The following CNOT7 variants were observed in gnomAD, a reference collection of about 807,000 sequenced individuals.
The protein encoded by CNOT7 is BTG1-binding factor 1.
Under a neutral mutation model 37.1 loss-of-function variants are expected in CNOT7, and 4 were observed. The ratio of observed to expected loss-of-function variants is 0.11; its 90% CI spans 0.05 to 0.25. The LOEUF (loss-of-function observed/expected upper bound fraction) is 0.25, where lower values mean the gene tolerates loss of function less well. CNOT7 is among the 10% of genes least tolerant of loss of function. The pLI is 1.00. For synonymous variants in CNOT7, 128 were observed against 115.6 expected (o/e 1.11, Z -0.69); for missense variants, 170 against 336.2 (o/e 0.51, Z 3.87).
Position 17,228,803 on chromosome 8 carries a change from T to C in CNOT7, c.*1917A>G, listed in dbSNP as rs1808325554. On this transcript the variant is annotated 3_prime_UTR_variant, in exon 7 of 7. Coordinates refer to ENST00000361272, the MANE Select transcript of CNOT7 (RefSeq NM_013354.7). ...TGAAATCCAGCATTGATTTCTCAAA[T>C]AGTTGAACAGAATTTAAATATTAGT... 6.6e-6 allele frequency: 1 copy of C among 152,014 alleles called. No individual in the cohort carries two copies. The highest frequency in any genetic ancestry group is 2.4e-5 in the African/African-American group (1 of 41,442). The allele number at this position is 152,014 out of a possible 1,614,324, so 9.4% of individuals were successfully genotyped here. A position where few individuals can be genotyped will look rare whatever the true frequency, so the allele number is the denominator to read the frequency against.
intron 3 of CNOT7, among the ~76,000 whole-genome samples, chr8:17,240,422 T>C (rs1338303131): frequency 6.6e-6 from 1 of 152,156 alleles, no homozygotes; most frequent in Non-Finnish European, 1.5e-5. Context: ...AAGACAATTC[T>C]TCCTCTAGTG....
chr8:17,233,905 T>C (rs1378156450), intron 5 of CNOT7, among the ~76,000 whole-genome samples: 1 of 152,108 alleles, frequency 6.6e-6, no homozygotes, highest in Non-Finnish European at 1.5e-5. Flanking sequence ...ATACGAAATT[T>C]AGCTGGGTGT....
In CNOT7 at chr8:17,235,365, A is replaced by G. The variant is rs570266888; in HGVS notation, c.474-505T>C. 1.1e-4 allele frequency among the ~76,000 whole-genome samples: 17 copies of G among 152,316 alleles called. 1 individual carries two copies. The highest frequency in any genetic ancestry group is 4.1e-4 in the African/African-American group (17 of 41,566). On this transcript the variant is annotated intron_variant, in intron 4 of 6. Transcript: ENST00000361272. ...TACTTTATCCAAAGAATAAGACTGT[A>G]ACAAGGTATTTTCACTTCTCTTAAA...
intron 6 of CNOT7, chr8:17,231,928 C>G (rs753589137): frequency 3.4e-5 from 34 of 986,846 alleles, no homozygotes; most frequent in Admixed American, 6.1e-5. Context: ...AGTAAAAGAG[C>G]CTGAGTTCTT....
At position 17,232,193 on chromosome 8, in the gene CNOT7, TTA is replaced by T. The variant is rs924391951; in HGVS notation, c.729+232_729+233del. On this transcript the variant is annotated intron_variant, in intron 6 of 6. Transcript: ENST00000361272. The stretch of plus-strand genomic sequence containing the variant: ...GGACCTACATGACTTCTCAGGTAGT[TTA>T]TGTTTTAAAATTGTTGGTTCTATGA... 35 of 1,322,676 alleles carry T rather than the reference TTA, an allele frequency of 2.6e-5. No individual in the cohort carries two copies. In the Admixed American group the frequency reaches 5.4e-4, roughly 20 times the overall value. The allele number at this position is 1,322,676 out of a possible 1,614,324, so 81.9% of individuals were successfully genotyped here. A position where few individuals can be genotyped will look rare whatever the true frequency, so the allele number is the denominator to read the frequency against.
rs1030186783 is a variant in CNOT7, at chr8:17,226,730, A to G, written c.*3990T>C. 3.3e-5 allele frequency: 5 copies of G among 151,780 alleles called. No homozygotes were observed. The highest frequency in any genetic ancestry group is 1.2e-4 in the African/African-American group (5 of 41,406). The allele number at this position is 151,780 out of a possible 1,614,324, so 9.4% of individuals were successfully genotyped here. ...AGAAAGTATATAAAGCAGCTTGACA[A>G]TCTTAAGTTTTAGTTTTTATTGAAA... is the stretch of plus-strand genomic sequence containing the variant. On this transcript the variant is annotated 3_prime_UTR_variant, in exon 7 of 7. Coordinates refer to ENST00000361272, the MANE Select transcript of CNOT7 (RefSeq NM_013354.7).
chr8:17,243,901 T>G (rs887891464), intron 2 of CNOT7, among the ~76,000 whole-genome samples: 1 of 152,174 alleles, frequency 6.6e-6, no homozygotes, highest in South Asian at 2.1e-4. Flanking sequence ...ACCAATCAAC[T>G]TGCTCCTCCC....
intron 1 of CNOT7, among the ~76,000 whole-genome samples, chr8:17,245,480 C>T (rs980943876): frequency 5.9e-5 from 9 of 152,142 alleles, no homozygotes; most frequent in African/African-American, 2.2e-4. Context: ...CTTTTTTACA[C>T]ATACATACTA....
rs76438127 is a variant in CNOT7 at position 17,231,864 on chromosome 8, C to T, written c.729+563G>A. The T allele has an allele frequency of 5.2e-4, 513 of 985,854 alleles. 8 individuals carry two copies. The East Asian group carries it at 0.031, about 59-fold the overall frequency. 61.1% of individuals were successfully genotyped at this position (985,854 alleles called of 1,614,324 possible). On this transcript the variant is annotated intron_variant, in intron 6 of 6. Coordinates refer to ENST00000361272, the MANE Select transcript of CNOT7 (RefSeq NM_013354.7). Reference sequence around the variant, plus strand: ...AATATGGTTTCTGATGCAACTACTACGTTGGATTTATTTGATCCCTTCGGA... The same window carrying T: ...AATATGGTTTCTGATGCAACTACTATGTTGGATTTATTTGATCCCTTCGGA...
Position 17,225,997 on chromosome 8 carries a change from T to TTGAG in CNOT7, c.*4719_*4722dup, listed in dbSNP as rs1211222603. ...TAGCAAACAGGACAGACATAGACCC[T>TTGAG]TGAGTTTCTTCTAGTAGAGAGGTGG... On this transcript the variant is annotated 3_prime_UTR_variant, in exon 7 of 7. Coordinates refer to ENST00000361272, the MANE Select transcript of CNOT7 (RefSeq NM_013354.7). The TTGAG allele has an allele frequency of 1.4e-5, 2 of 147,562 alleles. No individual in the cohort carries two copies. Among genetic ancestry groups the TTGAG allele is most frequent in the Non-Finnish European group, 1.5e-5 (1 of 66,842 alleles). 9.1% of individuals were successfully genotyped at this position (147,562 alleles called of 1,614,324 possible).
chr8:17,243,293 C>T, intron 2 of CNOT7, 108 bp from the exon 3 acceptor site: 1 of 794,768 alleles, frequency 1.3e-6, no homozygotes, highest in East Asian at 2.6e-5. Flanking sequence ...ATATTCTACA[C>T]ATTTATATTC....
chr8:17,226,806 T>C lies in CNOT7; in HGVS notation c.*3914A>G, dbSNP rs562898052. On this transcript the variant is annotated 3_prime_UTR_variant, in exon 7 of 7. Coordinates refer to ENST00000361272, the MANE Select transcript of CNOT7 (RefSeq NM_013354.7). ...ACCTTGTAATTTCAGGTCAAATTCA[T>C]TAAGAAACATTTTCAAGTCTGTGGC... The C allele has an allele frequency of 6.6e-6, 1 of 151,890 alleles. No homozygotes were observed. The highest frequency in any genetic ancestry group is 2.4e-5 in the African/African-American group (1 of 41,514). 9.4% of individuals were successfully genotyped at this position (151,890 alleles called of 1,614,324 possible).
chr8:17,242,231 G>A lies in CNOT7; in HGVS notation c.311+761C>T, dbSNP rs565704422. The A allele has an allele frequency of 3.2e-4, 49 of 152,310 alleles. 1 individual carries two copies. Among genetic ancestry groups the A allele is most frequent in the African/African-American group, 1.0e-3 (43 of 41,568 alleles). The allele number at this position is 152,310 out of a possible 1,614,324, so 9.4% of individuals were successfully genotyped here. A position where few individuals can be genotyped will look rare whatever the true frequency, so the allele number is the denominator to read the frequency against. On this transcript the variant is annotated intron_variant, in intron 3 of 6. Coordinates refer to ENST00000361272, the MANE Select transcript of CNOT7 (RefSeq NM_013354.7). ...TTTTATTTTTTATGAAGGTTACCAT[G>A]AAACAATGTTGAAGAAAATGTCATT...
rs181945193 is a variant in CNOT7, at chr8:17,229,658, A to G, written c.*1062T>C. On this transcript the variant is annotated 3_prime_UTR_variant, in exon 7 of 7. Transcript: ENST00000361272. ...TATATATATATGAGAATATATATATATTTTGTTGTTTTGTACCAAATCTCT... is the reference window on the plus strand; with the variant it reads ...TATATATATATGAGAATATATATATGTTTTGTTGTTTTGTACCAAATCTCT... The G allele has an allele frequency of 4.9e-4, 74 of 151,804 alleles. No homozygotes were observed. Among genetic ancestry groups the G allele is most frequent in the Admixed American group, 4.2e-3 (64 of 15,180 alleles). The allele number at this position is 151,804 out of a possible 1,614,324, so 9.4% of individuals were successfully genotyped here. A position where few individuals can be genotyped will look rare whatever the true frequency, so the allele number is the denominator to read the frequency against.
chr8:17,232,276 A>C, intron 6 of CNOT7, 151 bp downstream of exon 6: 1 of 1,479,398 alleles, frequency 6.8e-7, no homozygotes, highest in South Asian at 1.4e-5. Context: ...TTATTTTTGA[A>C]TACTTTTAAG....
rs554659928 is a variant in CNOT7, at chr8:17,230,529, C to T, written c.*191G>A. On this transcript the variant is annotated 3_prime_UTR_variant, in exon 7 of 7. Transcript: ENST00000361272. ...ATTAAGGCCAAATTTAACCTGAATG[C>T]GTTTTTTTTTTTCTTTTTATTAAGA... 5.5e-6 allele frequency: 2 copies of T among 364,092 alleles called. No individual in the cohort carries two copies. Among genetic ancestry groups the T allele is most frequent in the Non-Finnish European group, 9.8e-6 (2 of 203,662 alleles). 22.6% of individuals were successfully genotyped at this position (364,092 alleles called of 1,614,324 possible). A position where few individuals can be genotyped will look rare whatever the true frequency, so the allele number is the denominator to read the frequency against.
At chr8:17,236,268 T>C (rs924069299) in intron 4 of CNOT7, among the ~76,000 whole-genome samples, 8 of 152,172 alleles carry the variant, frequency 5.3e-5, no homozygotes, top group African/African-American at 1.7e-4. Flanking sequence ...AGATTTAAGA[T>C]ACATGTGTGA....
intron 6 of CNOT7, among the ~76,000 whole-genome samples, 184 bp from the exon 7 acceptor site, chr8:17,231,032 G>T (rs772265114): frequency 6.6e-6 from 1 of 152,130 alleles, no homozygotes; most frequent in South Asian, 2.1e-4. Flanking sequence ...CAAAAGTACA[G>T]AGCTCAGAAA....
At chr8:17,243,770 T>C in intron 2 of CNOT7, 1 of 392,058 alleles carries the variant, frequency 2.6e-6, no homozygotes, top group Non-Finnish European at 5.1e-6. Flanking sequence ...CTCTTTATCA[T>C]CTGAGAAATC....
Sources: allele counts gnomAD v4.1 joint callset (sites outside exome capture counted in the v4.1 genomes callset), GRCh38; gene constraint gnomAD v4.1.1; transcripts MANE v1.5; gene names NCBI Gene and HGNC (gene_info 2026-07-23, HGNC 2026-07-21).